PLXDC2: variants seen among roughly 807,000 people sequenced by gnomAD.
PLXDC2 encodes the protein plexin domain-containing protein 2.
Under a neutral mutation model 68.9 loss-of-function variants are expected in PLXDC2, and 40 were observed. That is an observed-to-expected ratio of 0.58 (90% CI 0.45 to 0.76). PLXDC2 has a LOEUF of 0.76. PLXDC2 is among the 30% of genes least tolerant of loss of function. The pLI is 0.00. For synonymous variants in PLXDC2, 243 were observed against 234.2 expected (o/e 1.04, Z -0.34); for missense variants, 644 against 661.9 (o/e 0.97, Z 0.30).
At chr10:19,976,167 G>T (rs548328817) in intron 1 of PLXDC2, among the ~76,000 whole-genome samples, 36 of 152,120 alleles carry the variant, frequency 2.4e-4, no homozygotes, top group African/African-American at 7.9e-4. Context: ...GTTTTCCTGT[G>T]TTATTGTTGA....
At chr10:20,267,640 C>T (rs1402843542) in intron 13 of PLXDC2, among the ~76,000 whole-genome samples, 1 of 152,068 alleles carries the variant, frequency 6.6e-6, no homozygotes, top group African/African-American at 2.4e-5. Context: ...CCCACTCCTA[C>T]ACAATTTTCT....
At chr10:20,143,011 G>A (rs981350714) in intron 4 of PLXDC2, among the ~76,000 whole-genome samples, 22 of 151,988 alleles carry the variant, frequency 1.4e-4, no homozygotes, top group Middle Eastern at 3.4e-3. Flanking sequence ...AGCATTTTTA[G>A]CCTAATAATC....
intron 12 of PLXDC2, among the ~76,000 whole-genome samples, chr10:20,244,187 A>T (rs1039127549): frequency 6.6e-6 from 1 of 152,226 alleles, no homozygotes; most frequent in African/African-American, 2.4e-5. Flanking sequence ...TGGTGCACTT[A>T]AGATACAACT....
chr10:20,214,509 A>G (rs1461880648), intron 10 of PLXDC2, among the ~76,000 whole-genome samples: 1 of 152,108 alleles, frequency 6.6e-6, no homozygotes, highest in Non-Finnish European at 1.5e-5. Flanking sequence ...TTTTTTCCTC[A>G]GGGCAAATTC....
At chr10:19,868,220 G>A (rs1437295997) in intron 1 of PLXDC2, among the ~76,000 whole-genome samples, 1 of 152,116 alleles carries the variant, frequency 6.6e-6, no homozygotes, top group African/African-American at 2.4e-5. Context: ...TGTCACCGAG[G>A]TAATAGGCAT....
intron 13 of PLXDC2, among the ~76,000 whole-genome samples, chr10:20,246,372 G>A (rs1564365782): frequency 6.6e-6 from 1 of 152,120 alleles, no homozygotes; most frequent in Non-Finnish European, 1.5e-5. Flanking sequence ...TTTGTTTCTT[G>A]ACAGTCTCAT....
At chr10:19,873,930 G>A (rs1047231792) in intron 1 of PLXDC2, among the ~76,000 whole-genome samples, 1 of 152,090 alleles carries the variant, frequency 6.6e-6, no homozygotes, top group African/African-American at 2.4e-5. Flanking sequence ...TAAATGATTT[G>A]TGAGGTTTTT....
chr10:20,034,472 G>A (rs934267505), intron 2 of PLXDC2, among the ~76,000 whole-genome samples: 4 of 152,096 alleles, frequency 2.6e-5, no homozygotes, highest in Admixed American at 2.6e-4. Context: ...CGTAATTAAA[G>A]TGATATGCTT....
chr10:20,246,180 A>G (rs1835592546), intron 13 of PLXDC2, among the ~76,000 whole-genome samples: 1 of 152,204 alleles, frequency 6.6e-6, no homozygotes, highest in Non-Finnish European at 1.5e-5. Flanking sequence ...AGGAGCAAAC[A>G]GGTGGGAAGA....
chr10:20,209,184 C>T (rs1172794778), intron 9 of PLXDC2, among the ~76,000 whole-genome samples: 1 of 152,184 alleles, frequency 6.6e-6, no homozygotes, highest in African/African-American at 2.4e-5. Context: ...TTTCCTCATC[C>T]TAATAAGCCT....
intron 6 of PLXDC2, among the ~76,000 whole-genome samples, chr10:20,158,255 T>C (rs1175945509): frequency 2.6e-5 from 4 of 152,044 alleles, no homozygotes. Flanking sequence ...GGTCCATATG[T>C]TCATTGACTT....
At chr10:20,162,747 A>C (rs1834321719) in intron 6 of PLXDC2, among the ~76,000 whole-genome samples, 1 of 151,986 alleles carries the variant, frequency 6.6e-6, no homozygotes, top group Non-Finnish European at 1.5e-5. Context: ...ATTGATACTG[A>C]ATTTAGGTTA....
At chr10:19,884,420 G>T (rs961910176) in intron 1 of PLXDC2, among the ~76,000 whole-genome samples, 5 of 151,926 alleles carry the variant, frequency 3.3e-5, no homozygotes, top group African/African-American at 1.2e-4. Context: ...AGTTACATAT[G>T]TATACATGTG....
chr10:20,050,577 C>T (rs1835880048), intron 3 of PLXDC2, among the ~76,000 whole-genome samples: 1 of 151,872 alleles, frequency 6.6e-6, no homozygotes, highest in Non-Finnish European at 1.5e-5. Flanking sequence ...AGAAGACATA[C>T]GTGCAGCCAA....
intron 2 of PLXDC2, among the ~76,000 whole-genome samples, chr10:20,021,206 T>C (rs1370465704): frequency 6.6e-6 from 1 of 152,146 alleles, no homozygotes; most frequent in African/African-American, 2.4e-5. Context: ...TTTTGTTTGT[T>C]TGTTTGTTTT....
intron 4 of PLXDC2, among the ~76,000 whole-genome samples, chr10:20,135,144 G>C (rs1833918208): frequency 6.6e-6 from 1 of 152,170 alleles, no homozygotes; most frequent in South Asian, 2.1e-4. Flanking sequence ...GAGTGGACAA[G>C]TACTGGAAAC....
chr10:20,123,499 G>A lies in PLXDC2; in HGVS notation c.542-19796G>A, dbSNP rs535060708. Among the ~76,000 whole-genome samples the A allele has an allele frequency of 3.4e-4, 51 of 152,022 alleles. 1 individual carries two copies. In the South Asian group the frequency reaches 9.1e-3, roughly 27 times the overall value. On this transcript the variant is annotated intron_variant, in intron 4 of 13. Coordinates refer to ENST00000377252, the MANE Select transcript of PLXDC2 (RefSeq NM_032812.9). The stretch of plus-strand genomic sequence containing the variant: ...TTTCTGGCTATTTGGAACTACTGTC[G>A]AGTTTGTATTGGGGTCAAGTGGCAT...
chr10:20,093,700 G>A (rs541893909), intron 4 of PLXDC2, among the ~76,000 whole-genome samples: 1 of 152,130 alleles, frequency 6.6e-6, no homozygotes, highest in African/African-American at 2.4e-5. Flanking sequence ...TTGAGACAGG[G>A]TCTCACTTCA....
intron 2 of PLXDC2, among the ~76,000 whole-genome samples, chr10:20,045,710 C>G (rs1392913508): frequency 6.6e-6 from 1 of 151,982 alleles, no homozygotes; most frequent in African/African-American, 2.4e-5. Flanking sequence ...TTAATTATCA[C>G]TTAGATGATA....
Sources: gnomAD v4.1 joint callset for allele counts (sites outside exome capture counted in the v4.1 genomes callset) on GRCh38, gnomAD v4.1.1 for gene constraint, MANE v1.5 for transcripts, NCBI Gene and HGNC (gene_info 2026-07-23, HGNC 2026-07-21) for gene names.